Variants in SUCLG2 observed in about 807,000 individuals in gnomAD.
The protein encoded by SUCLG2 is succinate-CoA ligase GDP-forming subunit beta.
SUCLG2 carries 42 observed loss-of-function variants against 47.9 expected under a neutral mutation model. That is an observed-to-expected ratio of 0.88 (90% CI 0.69 to 1.14). SUCLG2 has a LOEUF of 1.14. Ranked by LOEUF, SUCLG2 falls within the 50% of genes most tolerant of loss-of-function variation. The probability of loss-of-function intolerance (pLI) is 0.00; values close to 1 mark genes in which losing one functional copy is unlikely to be tolerated. For missense variants in SUCLG2, 571 were observed against 525.9 expected (o/e 1.09, Z -0.84); for synonymous variants, 195 against 197.3 (o/e 0.99, Z 0.10).
At chr3:67,422,220 T>C (rs541766499) in intron 9 of SUCLG2, among the ~76,000 whole-genome samples, 1 of 151,280 alleles carries the variant, frequency 6.6e-6, no homozygotes, top group African/African-American at 2.5e-5. Flanking sequence ...ATGCCTGTAA[T>C]CCCAGCACTT....
intron 9 of SUCLG2, among the ~76,000 whole-genome samples, chr3:67,442,274 T>C (rs1703785698): frequency 6.6e-6 from 1 of 152,106 alleles, no homozygotes; most frequent in African/African-American, 2.4e-5. Context: ...CCTCCCAAAG[T>C]GCTGGGATTA....
chr3:67,394,100 T>C (rs534103018), intron 10 of SUCLG2, among the ~76,000 whole-genome samples: 1,957 of 152,156 alleles, frequency 0.013, 22 homozygotes, highest in Non-Finnish European at 0.019. Flanking sequence ...CTGGAAACTC[T>C]AAAAAGCAGA....
chr3:67,544,298 T>C (rs1409469044), intron 2 of SUCLG2, among the ~76,000 whole-genome samples: 1 of 152,168 alleles, frequency 6.6e-6, no homozygotes, highest in Non-Finnish European at 1.5e-5. Flanking sequence ...AAATGTCATC[T>C]CAAATTGTAA....
At chr3:67,572,449 C>T (rs973813279) in intron 2 of SUCLG2, among the ~76,000 whole-genome samples, 1 of 152,162 alleles carries the variant, frequency 6.6e-6, no homozygotes, top group Admixed American at 6.5e-5. Context: ...AGCAGTACTA[C>T]TAATTTCTGC....
chr3:67,386,134 A>G lies in SUCLG2; in HGVS notation c.1184-10275T>C, dbSNP rs188773156. Reference sequence around the variant, plus strand: ...GACGGAGTCTCGCTCTGTCACCCAGACTGGAGTGCAGTGGCGCGATCTCGG... The same window carrying G: ...GACGGAGTCTCGCTCTGTCACCCAGGCTGGAGTGCAGTGGCGCGATCTCGG... On this transcript the variant is annotated intron_variant, in intron 10 of 10. Coordinates refer to ENST00000307227, the MANE Select transcript of SUCLG2 (RefSeq NM_003848.4). Among the ~76,000 whole-genome samples, 35 of 152,124 alleles carry G rather than the reference A, an allele frequency of 2.3e-4. No homozygotes were observed. In the South Asian group the frequency reaches 3.9e-3, roughly 17 times the overall value.
At chr3:67,394,499 C>T (rs1051862487) in intron 10 of SUCLG2, among the ~76,000 whole-genome samples, 10 of 149,850 alleles carry the variant, frequency 6.7e-5, no homozygotes, top group Non-Finnish European at 1.2e-4. Flanking sequence ...ATGAACAAAG[C>T]CTCCAAGAAA....
At chr3:67,599,237 G>A (rs1470159184) in intron 2 of SUCLG2, among the ~76,000 whole-genome samples, 1 of 152,152 alleles carries the variant, frequency 6.6e-6, no homozygotes, top group African/African-American at 2.4e-5. Flanking sequence ...AATTCAAGGC[G>A]AACTCCAGAG....
At chr3:67,416,537 T>G (rs1312136863) in intron 9 of SUCLG2, among the ~76,000 whole-genome samples, 6 of 152,154 alleles carry the variant, frequency 3.9e-5, no homozygotes, top group Admixed American at 3.3e-4. Context: ...TATGAGACAA[T>G]TTGGTATCCT....
At chr3:67,639,665 T>C (rs1370726361) in intron 1 of SUCLG2, among the ~76,000 whole-genome samples, 5 of 152,130 alleles carry the variant, frequency 3.3e-5, no homozygotes, top group African/African-American at 7.2e-5. Flanking sequence ...ACAGTTTCCA[T>C]AGCTGTCCTG....
chr3:67,645,600 T>C (rs966615410), intron 1 of SUCLG2, among the ~76,000 whole-genome samples: 6 of 152,140 alleles, frequency 3.9e-5, no homozygotes, highest in Admixed American at 1.3e-4. Flanking sequence ...AAATTCCTTT[T>C]TTCCCTGTAT....
intron 2 of SUCLG2, among the ~76,000 whole-genome samples, chr3:67,590,259 A>C (rs913254690): frequency 6.6e-6 from 1 of 152,192 alleles, no homozygotes; most frequent in Admixed American, 6.5e-5. Context: ...TTTCCCACAT[A>C]CCTCCCTGTG....
intron 1 of SUCLG2, among the ~76,000 whole-genome samples, chr3:67,615,239 A>G (rs1700603438): frequency 1.4e-5 from 2 of 143,560 alleles, no homozygotes; most frequent in South Asian, 4.4e-4. Flanking sequence ...GCACAAAACC[A>G]GACAGCTACA....
chr3:67,456,322 AG>A (rs1290106046), intron 9 of SUCLG2, among the ~76,000 whole-genome samples: 1 of 152,264 alleles, frequency 6.6e-6, no homozygotes, highest in African/African-American at 2.4e-5. Flanking sequence ...TAACATAGGC[AG>A]GTCTTAGGGA....
intron 2 of SUCLG2, among the ~76,000 whole-genome samples, chr3:67,577,815 A>G (rs1355799086): frequency 6.6e-6 from 1 of 152,218 alleles, no homozygotes; most frequent in Non-Finnish European, 1.5e-5. Flanking sequence ...ATCATGCTAC[A>G]TATTTTATAT....
intron 2 of SUCLG2, among the ~76,000 whole-genome samples, chr3:67,592,743 A>AAAAAAAAAAAAAAAAAAAAAAAC (rs1559587055): frequency 5.4e-5 from 8 of 148,480 alleles, no homozygotes; most frequent in African/African-American, 1.8e-4. Context: ...AAAACAACAA[A>AAAAAAAAAAAAAAAAAAAAAAAC]AAAAAACTGA....
At chr3:67,647,501 G>A (rs529926911) in intron 1 of SUCLG2, among the ~76,000 whole-genome samples, 4 of 152,320 alleles carry the variant, frequency 2.6e-5, no homozygotes, top group African/African-American at 9.6e-5. Flanking sequence ...TTCTTGAAAC[G>A]CTGAGGGCAG....
intron 2 of SUCLG2, among the ~76,000 whole-genome samples, chr3:67,585,984 A>AC (rs1212183910): frequency 5.8e-4 from 27 of 46,836 alleles, no homozygotes; most frequent in Non-Finnish European, 1.6e-3. Flanking sequence ...AAAAAAAAAA[A>AC]AAAAAAACCA....
At chr3:67,627,083 G>A (rs1291133974) in intron 1 of SUCLG2, among the ~76,000 whole-genome samples, 2 of 152,046 alleles carry the variant, frequency 1.3e-5, no homozygotes, top group Non-Finnish European at 2.9e-5. Context: ...CAGTGAGCTT[G>A]AAATTGAAGA....
At chr3:67,427,059 A>G (rs1217224141) in intron 9 of SUCLG2, among the ~76,000 whole-genome samples, 1 of 152,258 alleles carries the variant, frequency 6.6e-6, no homozygotes, top group Non-Finnish European at 1.5e-5. Flanking sequence ...TATACTAAGG[A>G]TGAACAAAAG....
Sources: allele counts gnomAD v4.1 joint callset (sites outside exome capture counted in the v4.1 genomes callset), GRCh38; gene constraint gnomAD v4.1.1; transcripts MANE v1.5; gene names NCBI Gene and HGNC (gene_info 2026-07-23, HGNC 2026-07-21).